The following PPARG variants were observed in gnomAD, a reference collection of about 807,000 sequenced individuals.
PPARG encodes peroxisome proliferator-activated receptor gamma.
A neutral mutation model predicts 39.2 loss-of-function variants in PPARG; 17 were observed. The observed-to-expected ratio is 0.43, with a 90% CI of 0.30 to 0.65. The LOEUF (loss-of-function observed/expected upper bound fraction) is 0.65, where lower values mean the gene tolerates loss of function less well. Among genes scored for constraint, PPARG ranks in the 30% least tolerant of loss-of-function variants. The pLI is 0.13. For synonymous variants in PPARG, 223 were observed against 215.7 expected (o/e 1.03, Z -0.30); for missense variants, 406 against 585.9 (o/e 0.69, Z 3.17).
intron 2 of PPARG, among the ~76,000 whole-genome samples, chr3:12,325,765 C>T (rs2047678286): frequency 6.6e-6 from 1 of 150,986 alleles, no homozygotes; most frequent in South Asian, 2.1e-4. Context: ...TTTTATATCA[C>T]TTAAATTGGT....
intron 6 of PPARG, chr3:12,406,976 A>G (rs1450602489): frequency 1.3e-5 from 2 of 152,220 alleles, no homozygotes; most frequent in African/African-American, 4.8e-5. Flanking sequence ...AGCACTGTTT[A>G]GAAAACCCAG....
intron 1 of PPARG, among the ~76,000 whole-genome samples, chr3:12,294,849 C>T (rs1304075282): frequency 2.0e-5 from 3 of 152,250 alleles, no homozygotes; most frequent in African/African-American, 4.8e-5. Flanking sequence ...GCCGAGATCA[C>T]GCTATTGCAC....
chr3:12,366,745 C>G (rs551735403), intron 2 of PPARG, among the ~76,000 whole-genome samples: 2 of 152,290 alleles, frequency 1.3e-5, no homozygotes, highest in East Asian at 3.8e-4. Flanking sequence ...TTAGCTAAAT[C>G]TCACTTGGCC....
At chr3:12,311,346 C>T (rs113256582) in intron 1 of PPARG, among the ~76,000 whole-genome samples, 13,199 of 152,122 alleles carry the variant, frequency 0.087, 729 homozygotes, top group Admixed American at 0.17. Flanking sequence ...TCAAGCAATC[C>T]GCCTGCCTCA....
At chr3:12,339,068 G>C (rs1018725097) in intron 2 of PPARG, among the ~76,000 whole-genome samples, 8 of 152,160 alleles carry the variant, frequency 5.3e-5, no homozygotes, top group Admixed American at 1.3e-4. Flanking sequence ...AAAATGTGCT[G>C]TATCAATACA....
At chr3:12,402,409 T>G (rs969968638) in intron 5 of PPARG, among the ~76,000 whole-genome samples, 1 of 151,748 alleles carries the variant, frequency 6.6e-6, no homozygotes, top group Non-Finnish European at 1.5e-5. Context: ...TTTCTGTCTG[T>G]TTTTAAACCT....
chr3:12,326,050 A>G (rs911383897), intron 2 of PPARG, among the ~76,000 whole-genome samples: 2 of 152,178 alleles, frequency 1.3e-5, no homozygotes, highest in Admixed American at 6.5e-5. Context: ...AAAGAAAACC[A>G]CAAGAAGTCA....
chr3:12,426,781 A>T (rs1038594012), intron 7 of PPARG, among the ~76,000 whole-genome samples: 1 of 152,200 alleles, frequency 6.6e-6, no homozygotes, highest in Non-Finnish European at 1.5e-5. Flanking sequence ...TCTGACCAAC[A>T]CTATGAGTTA....
intron 2 of PPARG, among the ~76,000 whole-genome samples, chr3:12,342,380 A>G (rs933425945): frequency 1.3e-5 from 2 of 152,236 alleles, no homozygotes; most frequent in African/African-American, 4.8e-5. Flanking sequence ...CATACAGCCA[A>G]ATGCATTTCA....
At chr3:12,346,923 A>G (rs1307092843) in intron 2 of PPARG, among the ~76,000 whole-genome samples, 1 of 152,128 alleles carries the variant, frequency 6.6e-6, no homozygotes, top group African/African-American at 2.4e-5. Flanking sequence ...GGTGTGAGCC[A>G]TTGCACCTAG....
intron 2 of PPARG, among the ~76,000 whole-genome samples, chr3:12,313,974 AAT>A (rs1216941602): frequency 6.6e-6 from 1 of 152,154 alleles, no homozygotes; most frequent in Non-Finnish European, 1.5e-5. Flanking sequence ...AACTTCCACT[AAT>A]ACTAAAATTA....
intron 7 of PPARG, among the ~76,000 whole-genome samples, chr3:12,431,742 C>A (rs2051667778): frequency 6.6e-6 from 1 of 152,030 alleles, no homozygotes; most frequent in Non-Finnish European, 1.5e-5. Context: ...GAGTTTAAGA[C>A]CAGCCTGGGC....
chr3:12,390,657 T>TTC (rs2050042297), intron 4 of PPARG, among the ~76,000 whole-genome samples: 1 of 146,802 alleles, frequency 6.8e-6, no homozygotes, highest in African/African-American at 2.5e-5. Context: ...TTTTTTTTTT[T>TTC]TGAGACAATG....
chr3:12,320,480 G>T (rs1265189463), intron 2 of PPARG, among the ~76,000 whole-genome samples: 1 of 152,114 alleles, frequency 6.6e-6, no homozygotes. Flanking sequence ...AAAGTACTTA[G>T]ATATTTCTGC....
At chr3:12,351,014 T>C (rs1474949556) in intron 2 of PPARG, among the ~76,000 whole-genome samples, 1 of 152,220 alleles carries the variant, frequency 6.6e-6, no homozygotes, top group Admixed American at 6.5e-5. Flanking sequence ...AGTAGCATGC[T>C]GATACCAACG....
At chr3:12,343,892 G>A (rs2048256223) in intron 2 of PPARG, among the ~76,000 whole-genome samples, 1 of 124,956 alleles carries the variant, frequency 8.0e-6, no homozygotes, top group East Asian at 2.2e-4. Context: ...ACAGAATCTT[G>A]CTCTATCACC....
At chr3:12,411,028 A>C (rs1013299525) in intron 6 of PPARG, among the ~76,000 whole-genome samples, 1 of 152,216 alleles carries the variant, frequency 6.6e-6, no homozygotes, top group Non-Finnish European at 1.5e-5. Context: ...GGGCTGCTGG[A>C]GAAGTTAGGC....
intron 2 of PPARG, among the ~76,000 whole-genome samples, chr3:12,365,062 A>G (rs2048970955): frequency 6.6e-6 from 1 of 152,176 alleles, no homozygotes; most frequent in African/African-American, 2.4e-5. Context: ...TCAGATCATC[A>G]GGTATTAGAT....
At chr3:12,334,748 CT>C (rs1310475572) in intron 2 of PPARG, among the ~76,000 whole-genome samples, 1 of 152,164 alleles carries the variant, frequency 6.6e-6, no homozygotes. Flanking sequence ...CAAAGCCCCC[CT>C]GTCCTGCATT....
Sources: gnomAD v4.1 joint callset for allele counts (sites outside exome capture counted in the v4.1 genomes callset) on GRCh38, gnomAD v4.1.1 for gene constraint, MANE v1.5 for transcripts, NCBI Gene and HGNC (gene_info 2026-07-23, HGNC 2026-07-21) for gene names.